Variants in CACNA2D1 observed in about 807,000 individuals in gnomAD.
The protein encoded by CACNA2D1 is calcium voltage-gated channel auxiliary subunit alpha2delta 1, also known as voltage-dependent calcium channel subunit alpha-2/delta-1.
Under a neutral mutation model 171.5 loss-of-function variants are expected in CACNA2D1, and 53 were observed. The observed-to-expected ratio is 0.31, with a 90% CI of 0.25 to 0.39. CACNA2D1 has a LOEUF of 0.39. Among genes scored for constraint, CACNA2D1 ranks in the 10% least tolerant of loss-of-function variants. The pLI is 1.00. For synonymous variants in CACNA2D1, 442 were observed against 443.1 expected, an observed-to-expected ratio of 1.00 and a Z score of 0.03; for missense variants, 903 against 1,299.8, an observed-to-expected ratio of 0.69 and a Z score of 4.69.
chr7:82,181,030 G>A (rs1018787036), intron 3 of CACNA2D1, among the ~76,000 whole-genome samples: 1 of 109,044 alleles, frequency 9.2e-6, no homozygotes, highest in Non-Finnish European at 2.1e-5. Flanking sequence ...AGCAGCTGTG[G>A]GGCATGTCGG....
intron 4 of CACNA2D1, among the ~76,000 whole-genome samples, chr7:82,143,996 C>A (rs1792695883): frequency 6.6e-6 from 1 of 152,098 alleles, no homozygotes; most frequent in African/African-American, 2.4e-5. Flanking sequence ...GCTAGTAAAT[C>A]ACATCACCCC....
chr7:82,226,740 C>T (rs553824165), intron 3 of CACNA2D1, among the ~76,000 whole-genome samples: 2 of 152,118 alleles, frequency 1.3e-5, no homozygotes, highest in Non-Finnish European at 2.9e-5. Flanking sequence ...TAATATTAGA[C>T]CTAGAAAGTA....
intron 1 of CACNA2D1, among the ~76,000 whole-genome samples, chr7:82,391,681 T>C (rs2129450675): frequency 6.6e-6 from 1 of 152,282 alleles, no homozygotes; most frequent in Non-Finnish European, 1.5e-5. Flanking sequence ...CAATTGATAG[T>C]CCCATGTGAC....
chr7:82,037,756 GA>G (rs1442735894), intron 11 of CACNA2D1, among the ~76,000 whole-genome samples: 3 of 152,150 alleles, frequency 2.0e-5, no homozygotes, highest in Non-Finnish European at 4.4e-5. Context: ...TGGTGATTGA[GA>G]TAAGAAAAAG....
chr7:82,231,218 C>T (rs1802893506), intron 3 of CACNA2D1, among the ~76,000 whole-genome samples: 1 of 152,176 alleles, frequency 6.6e-6, no homozygotes, highest in African/African-American at 2.4e-5. Flanking sequence ...GAAAAGAAAG[C>T]AAATGTTTAC....
rs774340399 is a variant in CACNA2D1, at chr7:81,987,064, C to G, written c.1797-2353G>C. ...ATATACCATAAATATAGTATGGAAA[C>G]CCATGAGGAAGAAAAGAGAAGTTTT... is the stretch of plus-strand genomic sequence containing the variant. On this transcript the variant is annotated intron_variant, in intron 21 of 38. Transcript: ENST00000356860. 3.6e-4 allele frequency among the ~76,000 whole-genome samples: 55 copies of G among 152,150 alleles called. 1 individual carries two copies. The highest frequency in any genetic ancestry group is 7.4e-4 in the Non-Finnish European group (50 of 67,984).
intron 6 of CACNA2D1, among the ~76,000 whole-genome samples, chr7:82,106,388 C>G (rs1484272782): frequency 6.6e-6 from 1 of 151,946 alleles, no homozygotes; most frequent in Non-Finnish European, 1.5e-5. Flanking sequence ...CTTCTTCAAC[C>G]TTTGAATGGC....
rs915048540 is a variant in CACNA2D1 at position 82,012,251 on chromosome 7, T to C, written c.1273-8A>G. 5.1e-6 allele frequency: 7 copies of C among 1,384,626 alleles called. No individual in the cohort carries two copies. Among genetic ancestry groups the C allele is most frequent in the Non-Finnish European group, 6.9e-6 (7 of 1,014,936 alleles). 85.8% of individuals were successfully genotyped at this position (1,384,626 alleles called of 1,614,324 possible). A position where few individuals can be genotyped will look rare whatever the true frequency, so the allele number is the denominator to read the frequency against. ...CAAAACATCCAAATATTCCTGTTTA[T>C]GGGAAAAAAAAAAAAAGTCGTGGTT... On this transcript the variant is annotated splice_region_variant and splice_polypyrimidine_tract_variant and intron_variant, in intron 14 of 38. Coordinates refer to ENST00000356860, the MANE Select transcript of CACNA2D1 (RefSeq NM_000722.4).
At chr7:82,303,983 G>A (rs1405877859) in intron 3 of CACNA2D1, among the ~76,000 whole-genome samples, 8 of 151,954 alleles carry the variant, frequency 5.3e-5, no homozygotes, top group Non-Finnish European at 4.4e-5. Context: ...CTAATATCAA[G>A]GATATATAAG....
intron 9 of CACNA2D1, among the ~76,000 whole-genome samples, chr7:82,061,593 G>T (rs547444743): frequency 6.6e-6 from 1 of 152,068 alleles, no homozygotes; most frequent in South Asian, 2.1e-4. Context: ...CACCCAACAG[G>T]TTCTTCCTGC....
intron 20 of CACNA2D1, among the ~76,000 whole-genome samples, chr7:81,992,648 T>A (rs985601075): frequency 2.0e-5 from 3 of 152,222 alleles, no homozygotes; most frequent in African/African-American, 7.2e-5. Flanking sequence ...TGTAAGTTTT[T>A]TCAATATCAG....
Position 82,161,485 on chromosome 7 carries a change from G to A in CACNA2D1, c.354+9065C>T, listed in dbSNP as rs1794942724. Among the ~76,000 whole-genome samples the A allele has an allele frequency of 3.3e-5, 5 of 151,946 alleles. No homozygotes were observed. The South Asian group carries it at 1.0e-3, about 31-fold the overall frequency. ...TTTTCTGGGGAAAAATGTTGTTAGT[G>A]GAGATGAAGAGAAATGAATGCTTGC... is the stretch of plus-strand genomic sequence containing the variant. On this transcript the variant is annotated intron_variant, in intron 4 of 38. Transcript: ENST00000356860.
At chr7:82,362,657 T>C (rs532271294) in intron 1 of CACNA2D1, among the ~76,000 whole-genome samples, 1 of 152,210 alleles carries the variant, frequency 6.6e-6, no homozygotes, top group South Asian at 2.1e-4. Context: ...TATCCTCTCA[T>C]GTCTCTTGAT....
chr7:82,048,769 C>T (rs1804847410), intron 10 of CACNA2D1, among the ~76,000 whole-genome samples: 1 of 151,900 alleles, frequency 6.6e-6, no homozygotes, highest in Non-Finnish European at 1.5e-5. Context: ...TCAGGCCAGC[C>T]CAAGTCACTC....
rs181759642 is a variant in CACNA2D1, at chr7:82,058,151, A to G, written c.879+2277T>C. Among the ~76,000 whole-genome samples, 444 of 152,318 alleles carry G rather than the reference A, an allele frequency of 2.9e-3. 3 individuals are homozygous for G. The highest frequency in any genetic ancestry group is 9.8e-3 in the African/African-American group (407 of 41,588). On this transcript the variant is annotated intron_variant, in intron 10 of 38. Transcript: ENST00000356860. Reference sequence around the variant, plus strand: ...GAAGTGAATATTACGTATGGCTTCCAGAATTCCTCAGAGAATTAAGTTCCT... The same window carrying G: ...GAAGTGAATATTACGTATGGCTTCCGGAATTCCTCAGAGAATTAAGTTCCT...
At chr7:82,357,587 A>G (rs2129446795) in intron 1 of CACNA2D1, among the ~76,000 whole-genome samples, 2 of 152,110 alleles carry the variant, frequency 1.3e-5, no homozygotes, top group Admixed American at 6.6e-5. Context: ...TTGTAAGAAA[A>G]GAATATTGAA....
chr7:82,019,558 T>C (rs145047496), intron 12 of CACNA2D1, among the ~76,000 whole-genome samples: 3 of 152,332 alleles, frequency 2.0e-5, no homozygotes, highest in Non-Finnish European at 4.4e-5. Context: ...TCCCACTGAT[T>C]TGTAACTTTA....
intron 3 of CACNA2D1, among the ~76,000 whole-genome samples, chr7:82,175,965 C>T (rs1370359283): frequency 1.3e-5 from 2 of 151,888 alleles, no homozygotes; most frequent in East Asian, 1.9e-4. Context: ...CTTAAGTTTT[C>T]ACTGTATTTT....
intron 6 of CACNA2D1, among the ~76,000 whole-genome samples, chr7:82,085,521 TAA>T (rs1333024522): frequency 2.9e-4 from 38 of 131,104 alleles, no homozygotes; most frequent in Non-Finnish European, 2.5e-4. Context: ...CCTGCTACCT[TAA>T]AAAAAAAAAA....
Sources: allele counts gnomAD v4.1 joint callset (sites outside exome capture counted in the v4.1 genomes callset), GRCh38; gene constraint gnomAD v4.1.1; transcripts MANE v1.5; gene names NCBI Gene and HGNC (gene_info 2026-07-23, HGNC 2026-07-21).